Variants in DERA observed in about 807,000 individuals in gnomAD.
The protein encoded by DERA is deoxyribose-phosphate aldolase, also known as 2-deoxy-D-ribose 5-phosphate aldolase.
A neutral mutation model predicts 41.1 loss-of-function variants in DERA; 15 were observed. The observed-to-expected ratio is 0.37, with a 90% CI of 0.24 to 0.56. DERA has a LOEUF of 0.56. Ranked by LOEUF, DERA falls within the 20% of genes least tolerant of loss-of-function variation. The pLI, the probability that DERA is intolerant of heterozygous loss-of-function variation, is 0.81. For missense variants in DERA, 396 were observed against 403.4 expected, an observed-to-expected ratio of 0.98 and a Z score of 0.16; for synonymous variants, 139 against 137.4, an observed-to-expected ratio of 1.01 and a Z score of -0.08.
Position 15,929,773 on chromosome 12 carries a change from A to T in DERA, c.31+18359A>T, listed in dbSNP as rs754519825. On this transcript the variant is annotated intron_variant, in intron 1 of 8. Transcript: ENST00000428559. ...GCTACACAACAAATCTTTCTTTTTT[A>T]AATTTTTCTTTGAAAACTTAGCTCA... Among the ~76,000 whole-genome samples the T allele has an allele frequency of 7.2e-4, 109 of 152,284 alleles. 1 individual carries two copies. Among genetic ancestry groups the T allele is most frequent in the Non-Finnish European group, 1.3e-4 (9 of 68,024 alleles).
rs1244725354 is a variant in DERA, at chr12:15,988,747, C to T, written c.637+6311C>T. Among the ~76,000 whole-genome samples, 1 of 152,122 alleles carries T rather than the reference C, an allele frequency of 6.6e-6. No homozygotes were observed. Among genetic ancestry groups the T allele is most frequent in the Non-Finnish European group, 1.5e-5 (1 of 68,006 alleles). ...TTCACCAGGGACCCATCCCTTCCTG[C>T]CTAGGAACCTGTCTGCCTCCCACCA... On this transcript the variant is annotated intron_variant, in intron 6 of 8. Transcript: ENST00000428559. The surrounding 1 kb of genome is among the most constrained non-coding windows in gnomAD (Gnocchi z 6.0).
chr12:15,952,409 G>T (rs1289953177), intron 1 of DERA, among the ~76,000 whole-genome samples: 1 of 152,050 alleles, frequency 6.6e-6, no homozygotes, highest in Non-Finnish European at 1.5e-5. Flanking sequence ...TTCTGTTACA[G>T]CCCTGTTTGG....
intron 6 of DERA, among the ~76,000 whole-genome samples, chr12:16,005,754 G>A (rs567417463): frequency 6.6e-6 from 1 of 152,176 alleles, no homozygotes; most frequent in Non-Finnish European, 1.5e-5. Flanking sequence ...GTATGGCTAA[G>A]TTCTTCTCGT....
At position 15,972,905 on chromosome 12, in the gene DERA, G is replaced by A. The variant is rs948166998; in HGVS notation, c.509-9403G>A. Among the ~76,000 whole-genome samples, 9 of 152,192 alleles carry A rather than the reference G, an allele frequency of 5.9e-5. No homozygotes were observed. The highest frequency in any genetic ancestry group is 2.2e-4 in the African/African-American group (9 of 41,448). ...GCTGGCGTGCGGGGACAGCATTGCA[G>A]AAGGTAGGGCCAGTTGTCAACCTGA... On this transcript the variant is annotated intron_variant, in intron 5 of 8. Coordinates refer to ENST00000428559, the MANE Select transcript of DERA (RefSeq NM_015954.4). The surrounding 1 kb of genome is among the most constrained non-coding windows in gnomAD (Gnocchi z 4.4).
Position 15,934,700 on chromosome 12 carries a change from T to C in DERA, c.32-22236T>C, listed in dbSNP as rs563233137. ...TTTAACTGCCTCTTTCTTCGACTTC[T>C]TGATTCAAGACAAGAAGTACATTTC... On this transcript the variant is annotated intron_variant, in intron 1 of 8. Transcript: ENST00000428559. Among the ~76,000 whole-genome samples, 13 of 152,336 alleles carry C rather than the reference T, an allele frequency of 8.5e-5. No individual in the cohort carries two copies. The East Asian group carries it at 2.1e-3, about 25-fold the overall frequency.
At chr12:16,032,060 A>C (rs1430226601) in intron 6 of DERA, among the ~76,000 whole-genome samples, 1 of 152,216 alleles carries the variant, frequency 6.6e-6, no homozygotes, top group Non-Finnish European at 1.5e-5. Flanking sequence ...CAGTTCTTTC[A>C]TTAATGAACA....
At chr12:15,956,830 G>A (rs575809102) in intron 1 of DERA, 106 bp from the exon 2 acceptor site, 1 of 848,154 alleles carries the variant, frequency 1.2e-6, no homozygotes, top group Non-Finnish European at 2.0e-6. Flanking sequence ...TTTAAAAAAA[G>A]GTTGATGTCA....
rs1293947611 is a variant in DERA, at chr12:15,981,512, G to C, written c.509-796G>C. Among the ~76,000 whole-genome samples the C allele has an allele frequency of 1.3e-5, 2 of 152,206 alleles. No homozygotes were observed. The highest frequency in any genetic ancestry group is 4.8e-5 in the African/African-American group (2 of 41,460). ...AAATTCACTAGTATCATTGACAAAA[G>C]ACTTAAATAATTTTTTAAAGATTTA... On this transcript the variant is annotated intron_variant, in intron 5 of 8. Coordinates refer to ENST00000428559, the MANE Select transcript of DERA (RefSeq NM_015954.4). This position sits in a 1 kb window ranked among gnomAD's most constrained non-coding sequence, Gnocchi z 6.1.
intron 2 of DERA, 149 bp from the exon 3 acceptor site, chr12:15,958,039 C>T: frequency 1.9e-6 from 1 of 524,776 alleles, no homozygotes; most frequent in Non-Finnish European, 3.2e-6. Flanking sequence ...GTGTTTATAT[C>T]ATGTATCAGG....
chr12:15,926,058 G>A (rs1948280570), intron 1 of DERA, among the ~76,000 whole-genome samples: 1 of 151,438 alleles, frequency 6.6e-6, no homozygotes, highest in Non-Finnish European at 1.5e-5. Flanking sequence ...CCTGACCTCA[G>A]GTGATCCGCC....
intron 6 of DERA, among the ~76,000 whole-genome samples, chr12:16,030,694 A>T (rs1186671562): frequency 6.6e-6 from 1 of 152,270 alleles, no homozygotes; most frequent in Non-Finnish European, 1.5e-5. Context: ...ACATTGTATT[A>T]TATTTCTCCA....
Position 15,982,789 on chromosome 12 carries a change from T to G in DERA, c.637+353T>G, listed in dbSNP as rs1948741648. Among the ~76,000 whole-genome samples, 1 of 152,248 alleles carries G rather than the reference T, an allele frequency of 6.6e-6. No individual in the cohort carries two copies. On this transcript the variant is annotated intron_variant, in intron 6 of 8. Coordinates refer to ENST00000428559, the MANE Select transcript of DERA (RefSeq NM_015954.4). The surrounding 1 kb of genome is among the most constrained non-coding windows in gnomAD (Gnocchi z 4.0). ...CTTACTCCTCTCTGAATTTAAGCTT[T>G]TCATTTATCTCAGAGATATATATCC...
rs911958160 is a variant in DERA at position 15,972,572 on chromosome 12, T to A, written c.508+9625T>A. On this transcript the variant is annotated intron_variant, in intron 5 of 8. Coordinates refer to ENST00000428559, the MANE Select transcript of DERA (RefSeq NM_015954.4). The surrounding 1 kb of genome is among the most constrained non-coding windows in gnomAD (Gnocchi z 4.4). Reference sequence around the variant, plus strand: ...GCGCATGATGTACTCTAGGGAAATTTTCTCCAATTCCTGCCTCATGATGTG... The same window carrying A: ...GCGCATGATGTACTCTAGGGAAATTATCTCCAATTCCTGCCTCATGATGTG... 1.8e-5 allele frequency: 3 copies of A among 169,328 alleles called. No homozygotes were observed. The highest frequency in any genetic ancestry group is 3.9e-5 in the Non-Finnish European group (3 of 76,762). 10.5% of individuals were successfully genotyped at this position (169,328 alleles called of 1,614,324 possible).
chr12:16,007,167 G>GT (rs1021559561), intron 6 of DERA, among the ~76,000 whole-genome samples: 7 of 145,852 alleles, frequency 4.8e-5, no homozygotes, highest in South Asian at 2.2e-4. Flanking sequence ...TCTTTTTGGG[G>GT]TTTTTTTGTT....
rs1948196093 is a variant in DERA at position 15,915,969 on chromosome 12, C to G, written c.31+4555C>G. The G allele has an allele frequency of 6.6e-6, 1 of 152,222 alleles. No individual in the cohort carries two copies. The highest frequency in any genetic ancestry group is 2.4e-5 in the African/African-American group (1 of 41,452). The allele number at this position is 152,222 out of a possible 1,614,324, so 9.4% of individuals were successfully genotyped here. A position where few individuals can be genotyped will look rare whatever the true frequency, so the allele number is the denominator to read the frequency against. The stretch of plus-strand genomic sequence containing the variant: ...AACAACCACACTGTGTCGACTGGTG[C>G]TAACTGGGAGCACTACACCCTGATG... On this transcript the variant is annotated intron_variant, in intron 1 of 8. Transcript: ENST00000428559. This position sits in a 1 kb window ranked among gnomAD's most constrained non-coding sequence, Gnocchi z 4.8.
intron 1 of DERA, among the ~76,000 whole-genome samples, chr12:15,925,867 A>T (rs1948278620): frequency 8.3e-6 from 1 of 120,058 alleles, no homozygotes; most frequent in African/African-American, 3.4e-5. Flanking sequence ...TTACTCTGTC[A>T]CCCAGGCTGG....
rs1392528384 is a variant in DERA, at chr12:15,928,066, C to T, written c.31+16652C>T. 1.3e-5 allele frequency among the ~76,000 whole-genome samples: 2 copies of T among 152,146 alleles called. No individual in the cohort carries two copies. The highest frequency in any genetic ancestry group is 2.4e-5 in the African/African-American group (1 of 41,442). ...GGGGATACAATGTAATATTTTGATA[C>T]ATGTATACAATGTGAAATGATTAAA... is the stretch of plus-strand genomic sequence containing the variant. On this transcript the variant is annotated intron_variant, in intron 1 of 8. Coordinates refer to ENST00000428559, the MANE Select transcript of DERA (RefSeq NM_015954.4). The surrounding 1 kb of genome is among the most constrained non-coding windows in gnomAD (Gnocchi z 4.6).
rs868162688 is a variant in DERA at position 15,990,908 on chromosome 12, C to T, written c.637+8472C>T. On this transcript the variant is annotated intron_variant, in intron 6 of 8. Coordinates refer to ENST00000428559, the MANE Select transcript of DERA (RefSeq NM_015954.4). The surrounding 1 kb of genome is among the most constrained non-coding windows in gnomAD (Gnocchi z 4.3). ...GTCTTTGCTGTTGTGAGTATTGCTG[C>T]GATGAACATATGCATACATGTGTCT... 2.6e-5 allele frequency among the ~76,000 whole-genome samples: 4 copies of T among 152,168 alleles called. No homozygotes were observed. Among genetic ancestry groups the T allele is most frequent in the African/African-American group, 4.8e-5 (2 of 41,512 alleles).
At chr12:16,022,333 C>T (rs1454555836) in intron 6 of DERA, among the ~76,000 whole-genome samples, 1 of 152,196 alleles carries the variant, frequency 6.6e-6, no homozygotes, top group East Asian at 1.9e-4. Flanking sequence ...AGGCCCTTAC[C>T]AGGAGCCAAT....
Sources: allele counts gnomAD v4.1 joint callset (sites outside exome capture counted in the v4.1 genomes callset), GRCh38; gene constraint gnomAD v4.1.1; non-coding constraint Gnocchi (gnomAD v3.1); transcripts MANE v1.5; gene names NCBI Gene and HGNC (gene_info 2026-07-23, HGNC 2026-07-21).